ITGAM: variants seen among roughly 807,000 people sequenced by gnomAD.
The protein encoded by ITGAM is integrin alpha-M.
A neutral mutation model predicts 137.5 loss-of-function variants in ITGAM; 79 were observed. The ratio of observed to expected loss-of-function variants is 0.57; its 90% CI spans 0.48 to 0.69. ITGAM has a LOEUF of 0.69. Ranked by LOEUF, ITGAM falls within the 30% of genes least tolerant of loss-of-function variation. The pLI is 0.00. For missense variants in ITGAM, 1,343 were observed against 1,483.5 expected (o/e 0.91, Z 1.56); for synonymous variants, 583 against 592.3 (o/e 0.98, Z 0.23).
At chr16:31,328,496 G>A (rs374615257) in intron 23 of ITGAM, among the ~76,000 whole-genome samples, 1 of 151,634 alleles carries the variant, frequency 6.6e-6, no homozygotes, top group Non-Finnish European at 1.5e-5. Context: ...GCGTGTATTT[G>A]TGGATGTGAG....
chr16:31,290,179 C>T (rs189158631), intron 12 of ITGAM, among the ~76,000 whole-genome samples: 1 of 151,360 alleles, frequency 6.6e-6, no homozygotes, highest in Non-Finnish European at 1.5e-5. Flanking sequence ...GGAGGGTTCA[C>T]ACTTTCCAAT....
intron 14 of ITGAM, among the ~76,000 whole-genome samples, chr16:31,299,177 T>A (rs1449982204): frequency 2.0e-5 from 3 of 152,196 alleles, no homozygotes; most frequent in Admixed American, 6.5e-5. Context: ...ATTGGTGCAA[T>A]GTTGTACAGC....
Position 31,328,213 on chromosome 16 carries a change from C to G in ITGAM, c.2775C>G (p.Val925=). 3 of 1,613,944 alleles carry G rather than the reference C, an allele frequency of 1.9e-6. No individual in the cohort carries two copies. Among genetic ancestry groups the G allele is most frequent in the Non-Finnish European group, 1.7e-6 (2 of 1,179,836 alleles). ...TGGAGCTGCCGGTGAAATATGCTGT[C>G]TACATGGTGGTCACCAGGTGCTGGC... ...FQLELPVKYA[V]YMVVTSHGVS... is the part of the protein sequence containing the mutation. Residue 925 remains valine (V), a synonymous_variant, in exon 23 of 30, where the codon GTC becomes GTG. Coordinates refer to ENST00000544665, the MANE Select transcript of ITGAM (RefSeq NM_000632.4).
intron 12 of ITGAM, among the ~76,000 whole-genome samples, chr16:31,290,080 CAAAAAAA>C (rs780127045): frequency 3.0e-4 from 17 of 56,126 alleles, no homozygotes; most frequent in Non-Finnish European, 6.1e-4. Context: ...AAACTCCATC[CAAAAAAA>C]AAAAAAAAAA....
chr16:31,285,640 TA>T (rs968883060), intron 12 of ITGAM, among the ~76,000 whole-genome samples: 142 of 150,348 alleles, frequency 9.4e-4, no homozygotes, highest in African/African-American at 3.2e-3. Context: ...TCATCTCAAT[TA>T]AAAAAAAAAT....
At position 31,277,053 on chromosome 16, in the gene ITGAM, A is replaced by C. The variant is rs747669563; in HGVS notation, c.1213+4A>C. Reference sequence around the variant, plus strand: ...GACATGAATGATGCTTACTTGGGTAAGTGGGGAGGGCAAGGGTTACTCTAA... The same window carrying C: ...GACATGAATGATGCTTACTTGGGTACGTGGGGAGGGCAAGGGTTACTCTAA... On this transcript the variant is annotated splice_donor_region_variant and intron_variant, in intron 11 of 29. Coordinates refer to ENST00000544665, the MANE Select transcript of ITGAM (RefSeq NM_000632.4). The C allele has an allele frequency of 1.9e-6, 3 of 1,608,636 alleles. No individual in the cohort carries two copies. The highest frequency in any genetic ancestry group is 2.5e-6 in the Non-Finnish European group (3 of 1,177,102).
chr16:31,276,780 AG>A, intron 10 of ITGAM, 36 bp downstream of exon 10: 1 of 1,470,990 alleles, frequency 6.8e-7, no homozygotes. Context: ...GGGGTGGGGC[AG>A]GGGGTAGCAA....
At chr16:31,310,335 T>A (rs1396469312) in intron 14 of ITGAM, among the ~76,000 whole-genome samples, 3 of 151,830 alleles carry the variant, frequency 2.0e-5, no homozygotes, top group Non-Finnish European at 4.4e-5. Flanking sequence ...GGTACACCAA[T>A]GAGATGTAGA....
intron 1 of ITGAM, 95 bp downstream of exon 1, chr16:31,260,187 T>G: frequency 1.1e-6 from 1 of 879,948 alleles, no homozygotes; most frequent in Non-Finnish European, 1.7e-6. Context: ...GGAGTCAGTC[T>G]GGGGAGAGGC....
Position 31,324,401 on chromosome 16 carries a change from C to G in ITGAM, c.2005C>G (p.Gln669Glu). Residue 669 changes from glutamine to glutamate, a missense_variant and splice_region_variant, in exon 17 of 30, where the codon CAG becomes GAG. Transcript: ENST00000544665. The surrounding 1 kb of genome is among the most constrained non-coding windows in gnomAD (Gnocchi z 4.5). ...GCTGTGCCACCCTGTCCCTTCAGGA[C>G]AGATCCAGAGTGTTGTGACTTATGA... Reference protein sequence around the residue: ...KSTRDRLREGQIQSVVTYDLA... With the variant: ...KSTRDRLREGEIQSVVTYDLA... The G allele has an allele frequency of 1.9e-6, 3 of 1,551,878 alleles. No homozygotes were observed. The highest frequency in any genetic ancestry group is 2.6e-6 in the Non-Finnish European group (3 of 1,147,090).
rs762688542 is a variant in ITGAM, at chr16:31,297,617, G to A, written c.1460G>A (p.Arg487Gln). Residue 487 changes from arginine to glutamine, a missense_variant, in exon 13 of 30, where the codon CGA (arginine) becomes CAA (glutamine). Coordinates refer to ENST00000544665, the MANE Select transcript of ITGAM (RefSeq NM_000632.4). ...IGAPHYYEQTRGGQVSVCPLP... is the reference protein window; with the variant it reads ...IGAPHYYEQTQGGQVSVCPLP... ...GCCCCCCATTACTACGAGCAGACCC[G>A]AGGGGGCCAGGTGTCCGTGTGCCCC... The A allele has an allele frequency of 3.7e-6, 6 of 1,613,246 alleles. No individual in the cohort carries two copies. Among genetic ancestry groups the A allele is most frequent in the East Asian group, 2.2e-5 (1 of 44,888 alleles).
intron 2 of ITGAM, among the ~76,000 whole-genome samples, chr16:31,262,435 T>C (rs2079716261): frequency 6.6e-6 from 1 of 151,160 alleles, no homozygotes; most frequent in Non-Finnish European, 1.5e-5. Flanking sequence ...CATGGTCTTG[T>C]TCTGTCATTC....
At chr16:31,306,699 A>G (rs2080268127) in intron 14 of ITGAM, among the ~76,000 whole-genome samples, 2 of 152,048 alleles carry the variant, frequency 1.3e-5, no homozygotes, top group Middle Eastern at 3.4e-3. Context: ...TTTAGTAGAG[A>G]TTGGGTTTCA....
intron 12 of ITGAM, among the ~76,000 whole-genome samples, chr16:31,279,159 C>T (rs1421293035): frequency 6.6e-6 from 1 of 152,148 alleles, no homozygotes; most frequent in South Asian, 2.1e-4. Context: ...TGGGTTGGTT[C>T]CAAGTCTTTG....
intron 14 of ITGAM, among the ~76,000 whole-genome samples, chr16:31,304,720 T>A (rs1425052894): frequency 6.6e-6 from 1 of 152,200 alleles, no homozygotes; most frequent in Non-Finnish European, 1.5e-5. Flanking sequence ...TAGGGTGTCC[T>A]TTTCCCAATT....
At chr16:31,265,661 C>T in intron 3 of ITGAM, 150 bp from the exon 4 acceptor site, 1 of 773,634 alleles carries the variant, frequency 1.3e-6, no homozygotes, top group Non-Finnish European at 2.1e-6. Flanking sequence ...CCCAGGCAAC[C>T]CCTCTGTGTT....
At chr16:31,300,740 A>G (rs138643375) in intron 14 of ITGAM, among the ~76,000 whole-genome samples, 1,637 of 152,130 alleles carry the variant, frequency 0.011, 24 homozygotes, top group African/African-American at 0.034. Context: ...GTAAAACTTC[A>G]TCTCTACTAA....
rs1424273710 is a variant in ITGAM, at chr16:31,265,344, CCTT to C, written c.135-48_135-46del. ...GGTGGCAGAACTTCCTCTGTGGTCT[CCTT>C]CTCTCCCCACATGTCGAAGTTTTCT... On this transcript the variant is annotated intron_variant, in intron 2 of 29. Coordinates refer to ENST00000544665, the MANE Select transcript of ITGAM (RefSeq NM_000632.4). 2.8e-5 allele frequency: 30 copies of C among 1,057,176 alleles called. No individual in the cohort carries two copies. In the East Asian group the frequency reaches 3.2e-4, roughly 11 times the overall value. 65.5% of individuals were successfully genotyped at this position (1,057,176 alleles called of 1,614,324 possible).
rs1567245321 is a variant in ITGAM at position 31,265,262 on chromosome 16, T to C, written c.135-133T>C. 1.4e-5 allele frequency: 7 copies of C among 494,572 alleles called. No individual in the cohort carries two copies. In the South Asian group the frequency reaches 2.2e-4, roughly 16 times the overall value. 30.6% of individuals were successfully genotyped at this position (494,572 alleles called of 1,614,324 possible). ...TTTTCCCATTTTTTTCTTTGCTAAT[T>C]CTTCCTCCTAGTCATAGGAATTTAG... On this transcript the variant is annotated intron_variant, in intron 2 of 29. Transcript: ENST00000544665.
Sources: allele counts gnomAD v4.1 joint callset (sites outside exome capture counted in the v4.1 genomes callset), GRCh38; gene constraint gnomAD v4.1.1; non-coding constraint Gnocchi (gnomAD v3.1); transcripts MANE v1.5; gene names NCBI Gene and HGNC (gene_info 2026-07-23, HGNC 2026-07-21).